APPL1: variants seen among roughly 807,000 people sequenced by gnomAD.
APPL1 encodes the protein DCC-interacting protein 13-alpha.
A neutral mutation model predicts 106.8 loss-of-function variants in APPL1; 42 were observed. The observed-to-expected ratio is 0.39, with a 90% CI of 0.31 to 0.51. The LOEUF (loss-of-function observed/expected upper bound fraction) is 0.51, where lower values mean the gene tolerates loss of function less well. Ranked by LOEUF, APPL1 falls within the 20% of genes least tolerant of loss-of-function variation. The pLI, the probability that APPL1 is intolerant of heterozygous loss-of-function variation, is 0.75. For synonymous variants in APPL1, 263 were observed against 281.8 expected (o/e 0.93, Z 0.67); for missense variants, 769 against 858.2 (o/e 0.90, Z 1.30).
At chr3:57,234,366 C>T (rs1217943274) in intron 1 of APPL1, among the ~76,000 whole-genome samples, 3 of 146,510 alleles carry the variant, frequency 2.0e-5, no homozygotes, top group African/African-American at 5.1e-5. Flanking sequence ...GGCATGATCT[C>T]GGCTCACTGC....
In APPL1 at chr3:57,268,434, A is replaced by G. The variant is rs1403451450; in HGVS notation, c.1930A>G (p.Arg644Gly). 14 of 1,601,520 alleles carry G rather than the reference A, an allele frequency of 8.7e-6. No individual in the cohort carries two copies. The highest frequency in any genetic ancestry group is 1.0e-5 in the Non-Finnish European group (12 of 1,172,828). ...RASEKQKEIE[R>G]VKEKQQKELN... Reference sequence around the variant, plus strand: ...ATCAGAAAAACAAAAAGAAATAGAGAGAGTAAAAGAGAAGCAACAGAAAGA... The same window carrying G: ...ATCAGAAAAACAAAAAGAAATAGAGGGAGTAAAAGAGAAGCAACAGAAAGA... The change falls in exon 21 of 22, where the codon AGA becomes GGA. Residue 644 changes from arginine (R) to glycine (G), a missense_variant. Coordinates refer to ENST00000288266, the MANE Select transcript of APPL1 (RefSeq NM_012096.3).
chr3:57,239,656 C>G (rs2060735320), intron 4 of APPL1, among the ~76,000 whole-genome samples: 1 of 152,012 alleles, frequency 6.6e-6, no homozygotes, highest in Non-Finnish European at 1.5e-5. Context: ...TTTTGAACAA[C>G]AGTTTTCAGT....
At chr3:57,230,779 G>GTTTT (rs571053927) in intron 1 of APPL1, 1 of 406,398 alleles carries the variant, frequency 2.5e-6, no homozygotes, top group African/African-American at 2.2e-5. Flanking sequence ...TAAGTTTTTT[G>GTTTT]TTTTTTTTTT....
Position 57,269,274 on chromosome 3 carries a change from G to C in APPL1, c.1984-267G>C, listed in dbSNP as rs974503829. 4.1e-5 allele frequency: 14 copies of C among 343,482 alleles called. No individual in the cohort carries two copies. The Admixed American group carries it at 6.0e-4, about 15-fold the overall frequency. 21.3% of individuals were successfully genotyped at this position (343,482 alleles called of 1,614,324 possible). On this transcript the variant is annotated intron_variant, in intron 21 of 21. Transcript: ENST00000288266. ...CTATAATATATAGTGAGAGATGATT[G>C]ATGATGGGCTTTATTTGGTTGTTGG...
intron 21 of APPL1, chr3:57,269,108 A>AT (rs2060916593): frequency 6.3e-6 from 1 of 159,316 alleles, no homozygotes; most frequent in East Asian, 1.8e-4. Flanking sequence ...CAAAGATGAC[A>AT]TTGAAGTGAG....
Position 57,257,359 on chromosome 3 carries a change from A to G in APPL1, c.1361A>G (p.Gln454Arg), listed in dbSNP as rs2060842747. 5.6e-6 allele frequency: 9 copies of G among 1,613,486 alleles called. No homozygotes were observed. The highest frequency in any genetic ancestry group is 6.8e-6 in the Non-Finnish European group (8 of 1,179,654). ...DSLVAPDTPI[Q>R]FDIISPVCED... ...CTTGTTGCCCCAGACACCCCAATAC[A>G]GTTTGACATAATTTCTCCTGTGTGT... The change falls in exon 15 of 22, where the codon CAG becomes CGG. Residue 454 changes from glutamine (Q) to arginine (R), a missense_variant. Coordinates refer to ENST00000288266, the MANE Select transcript of APPL1 (RefSeq NM_012096.3).
At chr3:57,269,471 A>G in intron 21 of APPL1, 70 bp from the exon 22 acceptor site, 3 of 1,555,456 alleles carry the variant, frequency 1.9e-6, no homozygotes, top group Non-Finnish European at 2.6e-6. Flanking sequence ...TCAAGAATGT[A>G]TCTTAACTGC....
chr3:57,271,258 G>A lies in APPL1; in HGVS notation c.*1571G>A, dbSNP rs1410258585. The A allele has an allele frequency of 6.6e-6, 1 of 152,414 alleles. No individual in the cohort carries two copies. The highest frequency in any genetic ancestry group is 1.5e-5 in the Non-Finnish European group (1 of 67,996). 9.4% of individuals were successfully genotyped at this position (152,414 alleles called of 1,614,324 possible). ...ATGTACATTGTTTTCTGTAGGAATA[G>A]GATAATGATATATAGGATCATGATA... On this transcript the variant is annotated 3_prime_UTR_variant, in exon 22 of 22. Transcript: ENST00000288266.
At chr3:57,265,613 A>G (rs1377217221) in intron 19 of APPL1, among the ~76,000 whole-genome samples, 1 of 152,004 alleles carries the variant, frequency 6.6e-6, no homozygotes. Context: ...TTGTATCCTG[A>G]AACTTTACTG....
chr3:57,250,903 G>C (rs968016428), intron 11 of APPL1, among the ~76,000 whole-genome samples: 3 of 148,550 alleles, frequency 2.0e-5, no homozygotes, highest in Non-Finnish European at 4.5e-5. Flanking sequence ...CGCCTCCCGG[G>C]TTCACGCCAT....
At chr3:57,250,410 G>A (rs1294994915) in intron 11 of APPL1, among the ~76,000 whole-genome samples, 1 of 152,134 alleles carries the variant, frequency 6.6e-6, no homozygotes, top group East Asian at 1.9e-4. Flanking sequence ...AAAGTGCTGG[G>A]ATCATAGGCA....
rs1158989470 is a variant in APPL1, at chr3:57,262,894, G to C, written c.1842+2120G>C. Among the ~76,000 whole-genome samples, 7 of 148,288 alleles carry C rather than the reference G, an allele frequency of 4.7e-5. No individual in the cohort carries two copies. In the East Asian group the frequency reaches 1.4e-3, roughly 30 times the overall value. On this transcript the variant is annotated intron_variant, in intron 19 of 21. Transcript: ENST00000288266. ...CAGATGGAGTCTTGCTGTGTCACCT[G>C]GGCTGGAGTGCAATGGCGCGATCTT...
At position 57,238,098 on chromosome 3, in the gene APPL1, T is replaced by C; in HGVS notation, c.267T>C (p.Phe89=). 1 of 1,610,932 alleles carries C rather than the reference T, an allele frequency of 6.2e-7. No individual in the cohort carries two copies. The change falls in exon 4 of 22, where the codon TTT becomes TTC. Residue 89 remains phenylalanine (F), a synonymous_variant. Transcript: ENST00000288266. ...TTATGAGCTCTACATTGCAACAGTT[T>C]TCAAAAGTTATAGATGAGGTAAACG... ...DEVMSSTLQQ[F]SKVIDELSSC... is the part of the protein sequence containing the mutation.
chr3:57,254,920 C>T (rs889359787), intron 13 of APPL1, among the ~76,000 whole-genome samples: 1 of 152,228 alleles, frequency 6.6e-6, no homozygotes, highest in African/African-American at 2.4e-5. Context: ...CCACCACGCC[C>T]AGCCAAGTTA....
At chr3:57,265,988 G>T (rs2060892747) in intron 19 of APPL1, among the ~76,000 whole-genome samples, 1 of 152,166 alleles carries the variant, frequency 6.6e-6, no homozygotes, top group South Asian at 2.1e-4. Context: ...TTGATGTGAT[G>T]TAGCATATTG....
Position 57,227,792 on chromosome 3 carries a change from A to AGGGCGGGCCGGGGTCAGCTGCGGC in APPL1, c.-80_-57dup, listed in dbSNP as rs1196394023. The AGGGCGGGCCGGGGTCAGCTGCGGC allele has an allele frequency of 2.2e-5, 25 of 1,143,866 alleles. No homozygotes were observed. The African/African-American group carries it at 2.3e-4, about 10-fold the overall frequency. 70.9% of individuals were successfully genotyped at this position (1,143,866 alleles called of 1,614,324 possible). Reference sequence around the variant, plus strand: ...GGGACGGCTGCAGCCCTTGCCGGAGAGGGCGGGCCGGGGTCAGCTGCGGCG... The same window carrying AGGGCGGGCCGGGGTCAGCTGCGGC: ...GGGACGGCTGCAGCCCTTGCCGGAGAGGGCGGGCCGGGGTCAGCTGCGGCGGGCGGGCCGGGGTCAGCTGCGGCG... On this transcript the variant is annotated 5_prime_UTR_variant, in exon 1 of 22. Transcript: ENST00000288266.
chr3:57,267,717 TTTTTCATAC>T lies in APPL1; in HGVS notation c.1843-20_1843-12del. Reference sequence around the variant, plus strand: ...TGCTTTGTTGTGAGAACTGCCTGAATTTTTCATACTTTTTCTCTTTTTAGATATGTGATT... The same window carrying T: ...TGCTTTGTTGTGAGAACTGCCTGAATTTTTTCTCTTTTTAGATATGTGATT... On this transcript the variant is annotated splice_polypyrimidine_tract_variant and intron_variant, in intron 19 of 21. Coordinates refer to ENST00000288266, the MANE Select transcript of APPL1 (RefSeq NM_012096.3). 5 of 1,611,892 alleles carry T rather than the reference TTTTTCATAC, an allele frequency of 3.1e-6. No individual in the cohort carries two copies. The highest frequency in any genetic ancestry group is 4.2e-6 in the Non-Finnish European group (5 of 1,178,276).
At chr3:57,235,803 A>G (rs2060713307) in intron 2 of APPL1, 139 bp downstream of exon 2, 1 of 567,420 alleles carries the variant, frequency 1.8e-6, no homozygotes, top group Non-Finnish European at 3.2e-6. Context: ...GAATGGATTA[A>G]TGAACATTGA....
chr3:57,235,508 T>C (rs2060711590), intron 1 of APPL1, 58 bp from the exon 2 acceptor site: 2 of 1,136,720 alleles, frequency 1.8e-6, no homozygotes, highest in Non-Finnish European at 2.5e-6. Flanking sequence ...AGAAAAAATA[T>C]TTTTCCATCT....
Sources: allele counts gnomAD v4.1 joint callset (sites outside exome capture counted in the v4.1 genomes callset), GRCh38; gene constraint gnomAD v4.1.1; transcripts MANE v1.5; gene names NCBI Gene and HGNC (gene_info 2026-07-23, HGNC 2026-07-21).